Variants in KCNQ3 observed in about 807,000 individuals in gnomAD.
KCNQ3 encodes potassium voltage-gated channel subfamily Q member 3.
Under a neutral mutation model 92.5 loss-of-function variants are expected in KCNQ3, and 30 were observed. That is an observed-to-expected ratio of 0.32 (90% CI 0.24 to 0.44). KCNQ3 has a LOEUF of 0.44. KCNQ3 is among the 20% of genes least tolerant of loss of function. The pLI is 1.00. For synonymous variants in KCNQ3, 450 were observed against 468.8 expected, an observed-to-expected ratio of 0.96 and a Z score of 0.52; for missense variants, 913 against 1,140.3, an observed-to-expected ratio of 0.80 and a Z score of 2.87.
Position 132,267,630 on chromosome 8 carries a change from A to C in KCNQ3, c.387-81449T>G, listed in dbSNP as rs141698050. ...TTATCAATTTTAAAACTCTTACTAC[A>C]GTCTGCATCTGTGACTCCCAAATAT... On this transcript the variant is annotated intron_variant, in intron 1 of 14. Coordinates refer to ENST00000388996, the MANE Select transcript of KCNQ3 (RefSeq NM_004519.4). Among the ~76,000 whole-genome samples the C allele has an allele frequency of 2.0e-3, 297 of 152,304 alleles. 1 individual carries two copies. The highest frequency in any genetic ancestry group is 6.7e-3 in the African/African-American group (279 of 41,568).
intron 9 of KCNQ3, among the ~76,000 whole-genome samples, chr8:132,144,777 A>T (rs1331243504): frequency 6.6e-6 from 1 of 151,826 alleles, no homozygotes; most frequent in Non-Finnish European, 1.5e-5. Context: ...CCTTTTTTTC[A>T]TCTAAATGAC....
intron 2 of KCNQ3, 148 bp from the exon 3 acceptor site, chr8:132,184,515 G>C: frequency 1.1e-5 from 6 of 542,140 alleles, no homozygotes; most frequent in East Asian, 5.0e-5. Context: ...TGGGGGTGGG[G>C]AAGGGGAACC....
Position 132,221,660 on chromosome 8 carries a change from GTTGT to G in KCNQ3, c.387-35483_387-35480del, listed in dbSNP as rs373458773. Among the ~76,000 whole-genome samples the G allele has an allele frequency of 5.9e-3, 894 of 152,186 alleles. 10 individuals are homozygous for G. Among genetic ancestry groups the G allele is most frequent in the African/African-American group, 0.02 (842 of 41,510 alleles). ...TATCCTTTGCCCACTTTTTGGTGGG[GTTGT>G]TTGTTTTTTTCTTGTAAAATTGTTT... On this transcript the variant is annotated intron_variant, in intron 1 of 14. Transcript: ENST00000388996.
chr8:132,193,792 C>A (rs1827229043), intron 1 of KCNQ3, among the ~76,000 whole-genome samples: 1 of 152,182 alleles, frequency 6.6e-6, no homozygotes, highest in Admixed American at 6.5e-5. Flanking sequence ...CAAGCTCAGG[C>A]AGGAGGGACA....
At chr8:132,395,054 T>TA (rs1297053164) in intron 1 of KCNQ3, among the ~76,000 whole-genome samples, 1 of 152,242 alleles carries the variant, frequency 6.6e-6, no homozygotes, top group East Asian at 1.9e-4. Flanking sequence ...AGTGTAGTGC[T>TA]AATAGGTGCT....
chr8:132,191,687 A>G (rs1827168191), intron 1 of KCNQ3, among the ~76,000 whole-genome samples: 1 of 151,184 alleles, frequency 6.6e-6, no homozygotes, highest in Non-Finnish European at 1.5e-5. Context: ...TCTATCTGTA[A>G]TCTCTATCCA....
chr8:132,289,232 T>C (rs7831690), intron 1 of KCNQ3, among the ~76,000 whole-genome samples: 3,924 of 152,296 alleles, frequency 0.026, 187 homozygotes, highest in African/African-American at 0.089. Flanking sequence ...AGCATCATTG[T>C]ATGGCATGCC....
intron 1 of KCNQ3, among the ~76,000 whole-genome samples, chr8:132,336,513 A>T (rs1337037898): frequency 1.3e-5 from 2 of 152,210 alleles, no homozygotes; most frequent in Non-Finnish European, 2.9e-5. Context: ...GACCACAAAG[A>T]GTAAAAGGCA....
rs1822552945 is a variant in KCNQ3, at chr8:132,481,019, GCGCCCCTC to G, written c.-495_-488del. The G allele has an allele frequency of 7.0e-6, 1 of 142,282 alleles. No individual in the cohort carries two copies. The highest frequency in any genetic ancestry group is 1.5e-5 in the Non-Finnish European group (1 of 65,168). The allele number at this position is 142,282 out of a possible 1,614,324, so 8.8% of individuals were successfully genotyped here. On this transcript the variant is annotated 5_prime_UTR_variant, in exon 1 of 15. Transcript: ENST00000388996. The stretch of plus-strand genomic sequence containing the variant: ...TCCTCCCTCCTCCGCGCTCCCACCC[GCGCCCCTC>G]CCCGCCCGTTCCAGCCTCAGCCTGT...
intron 12 of KCNQ3, among the ~76,000 whole-genome samples, chr8:132,137,133 A>C (rs1825128987): frequency 6.6e-6 from 1 of 152,136 alleles, no homozygotes; most frequent in African/African-American, 2.4e-5. Flanking sequence ...GGCCTCCCAA[A>C]GTGCTGGGGT....
intron 1 of KCNQ3, among the ~76,000 whole-genome samples, chr8:132,254,502 T>C (rs1815515484): frequency 6.6e-6 from 1 of 152,242 alleles, no homozygotes; most frequent in African/African-American, 2.4e-5. Flanking sequence ...TTATATGTGT[T>C]TGTCTCTTCA....
chr8:132,170,303 G>T lies in KCNQ3; in HGVS notation c.1235+31C>A, dbSNP rs564520783. ...GACCGCAGGAGAGATGGCTGGTCAC[G>T]CCCTGAGCATTCAGGTGAGTCCCCA... On this transcript the variant is annotated intron_variant, in intron 8 of 14. Transcript: ENST00000388996. The T allele has an allele frequency of 8.7e-6, 13 of 1,500,304 alleles. No individual in the cohort carries two copies. The East Asian group carries it at 1.4e-4, about 16-fold the overall frequency. The allele number at this position is 1,500,304 out of a possible 1,614,324, so 92.9% of individuals were successfully genotyped here. A position where few individuals can be genotyped will look rare whatever the true frequency, so the allele number is the denominator to read the frequency against.
At chr8:132,134,885 A>G (rs2130932861) in intron 12 of KCNQ3, among the ~76,000 whole-genome samples, 1 of 152,184 alleles carries the variant, frequency 6.6e-6, no homozygotes, top group East Asian at 1.9e-4. Context: ...AGCTGCACAC[A>G]TCACTGCTGC....
chr8:132,308,258 C>T (rs997003850), intron 1 of KCNQ3, among the ~76,000 whole-genome samples: 3 of 152,168 alleles, frequency 2.0e-5, no homozygotes, highest in African/African-American at 2.4e-5. Context: ...CGGCTTTCTT[C>T]TCTATCAGTA....
intron 1 of KCNQ3, among the ~76,000 whole-genome samples, chr8:132,395,765 TC>T (rs35183230): frequency 6.6e-6 from 1 of 152,198 alleles, no homozygotes; most frequent in African/African-American, 2.4e-5. Context: ...ATTGGGCTCA[TC>T]CCCATTTGGC....
intron 1 of KCNQ3, among the ~76,000 whole-genome samples, chr8:132,300,948 A>T (rs1370105004): frequency 6.6e-6 from 1 of 152,134 alleles, no homozygotes; most frequent in East Asian, 1.9e-4. Flanking sequence ...GGTGATAATT[A>T]TTATTATTAA....
chr8:132,443,145 G>A (rs1362955468), intron 1 of KCNQ3, among the ~76,000 whole-genome samples: 1 of 152,200 alleles, frequency 6.6e-6, no homozygotes, highest in Admixed American at 6.5e-5. Context: ...GGAAATAAAG[G>A]TAGGGAGGGG....
At chr8:132,253,956 C>T (rs982281897) in intron 1 of KCNQ3, among the ~76,000 whole-genome samples, 2 of 152,204 alleles carry the variant, frequency 1.3e-5, no homozygotes, top group Non-Finnish European at 2.9e-5. Context: ...AGTGCATAAA[C>T]AGCCCAGGTG....
chr8:132,201,105 C>T (rs1446537051), intron 1 of KCNQ3, among the ~76,000 whole-genome samples: 1 of 152,138 alleles, frequency 6.6e-6, no homozygotes, highest in Non-Finnish European at 1.5e-5. Context: ...CTTGCAATAA[C>T]AAACAGACAC....
Sources: allele counts gnomAD v4.1 joint callset (sites outside exome capture counted in the v4.1 genomes callset), GRCh38; gene constraint gnomAD v4.1.1; transcripts MANE v1.5; gene names NCBI Gene and HGNC (gene_info 2026-07-23, HGNC 2026-07-21).